Variants in XIRP1 observed in about 807,000 individuals in gnomAD.
XIRP1 encodes xin actin binding repeat containing 1.
For missense variants in XIRP1, 2,378 were observed against 2,345.4 expected (o/e 1.01, Z -0.29); for synonymous variants, 984 against 947.0 (o/e 1.04, Z -0.72).
rs1256030744 is a variant in XIRP1 at position 39,185,477 on chromosome 3, C to T, written c.3969G>A (p.Lys1323=). 11 of 1,571,202 alleles carry T rather than the reference C, an allele frequency of 7.0e-6. 2 individuals are homozygous for T. In the South Asian group the frequency reaches 1.3e-4, roughly 19 times the overall value. The change falls in exon 2 of 2, where the codon AAG becomes AAA. Residue 1323 remains lysine, a synonymous_variant. Coordinates refer to ENST00000340369, the MANE Select transcript of XIRP1 (RefSeq NM_194293.4). The stretch of plus-strand genomic sequence containing the variant: ...GTGCAGGTTTAGGGGGCAGCTGCGG[C>T]TTCTTCTTTGGGGGCATGGTGGGGT... ...KLDPTMPPKK[K]PQLPPKPAHL... is the part of the protein sequence containing the mutation.
rs745523661 is a variant in XIRP1 at position 39,184,127 on chromosome 3, C to A, written c.5319G>T (p.Glu1773Asp). Residue 1773 changes from glutamate (E) to aspartate (D), a missense_variant, in exon 2 of 2, where the codon GAG (glutamate) becomes GAT (aspartate). Coordinates refer to ENST00000340369, the MANE Select transcript of XIRP1 (RefSeq NM_194293.4). ...CTGTGTTCCCAAACTGGTCCACCTC[C>A]TCATACTGTTCAGTCACGGTTCTCA... ...GAMRTVTEQY[E>D]EVDQFGNTVL... The A allele has an allele frequency of 6.2e-7, 1 of 1,610,680 alleles. No homozygotes were observed. The highest frequency in any genetic ancestry group is 8.5e-7 in the Non-Finnish European group (1 of 1,177,772).
intron 1 of XIRP1, among the ~76,000 whole-genome samples, chr3:39,190,653 C>G (rs952190195): frequency 2.0e-5 from 3 of 152,150 alleles, no homozygotes; most frequent in Non-Finnish European, 4.4e-5. Context: ...ACACCCCCGC[C>G]CCTCAATGAC....
In XIRP1 at chr3:39,187,689, G is replaced by A. The variant is rs1200503559; in HGVS notation, c.1757C>T (p.Pro586Leu). Residue 586 changes from proline to leucine, a missense_variant, in exon 2 of 2, where the codon CCC (proline) becomes CTC (leucine). Physicochemically the swap from Pro to Leu is moderately conservative, Grantham distance 98. Coordinates refer to ENST00000340369, the MANE Select transcript of XIRP1 (RefSeq NM_194293.4). ...GATGGTCTGCACATCGCCCTTTGGGGGTGCCTCAGGCTGGGGGTCTCCCTG... is the reference window on the plus strand; with the variant it reads ...GATGGTCTGCACATCGCCCTTTGGGAGTGCCTCAGGCTGGGGGTCTCCCTG... Reference protein sequence around the residue: ...KSQGDPQPEAPPKGDVQTIRW... With the variant: ...KSQGDPQPEALPKGDVQTIRW... 3 of 1,613,876 alleles carry A rather than the reference G, an allele frequency of 1.9e-6. No homozygotes were observed. Among genetic ancestry groups the A allele is most frequent in the South Asian group, 1.1e-5 (1 of 91,092 alleles).
chr3:39,184,549 C>T lies in XIRP1; in HGVS notation c.4897G>A (p.Ala1633Thr). The T allele has an allele frequency of 6.2e-7, 1 of 1,613,876 alleles. No individual in the cohort carries two copies. Among genetic ancestry groups the T allele is most frequent in the Non-Finnish European group, 8.5e-7 (1 of 1,180,040 alleles). ...GCAGTTGAGGCTGTGTGACCTCTGGCCTCTGTGTGATTTCTGATCTTGACT... is the reference window on the plus strand; with the variant it reads ...GCAGTTGAGGCTGTGTGACCTCTGGTCTCTGTGTGATTTCTGATCTTGACT... ...SQVKIRNHTE[A>T]RGHTASTAPS... The change falls in exon 2 of 2, where the codon GCC (alanine) becomes ACC (threonine). Residue 1633 changes from alanine to threonine, a missense_variant. Physicochemically the swap from Ala to Thr is moderately conservative, Grantham distance 58. Transcript: ENST00000340369.
chr3:39,185,582 C>T lies in XIRP1; in HGVS notation c.3864G>A (p.Lys1288=), dbSNP rs768972840. The change falls in exon 2 of 2, where the codon AAG becomes AAA. Residue 1288 remains lysine, a synonymous_variant. Coordinates refer to ENST00000340369, the MANE Select transcript of XIRP1 (RefSeq NM_194293.4). ...TGCTGTGGGAGTGAAGAAGGGGGTC[C>T]TTCAGGGGCTCAGAGGCTTGCTGGA... The part of the protein sequence containing the change: ...DSIQQASEPL[K]DPLLHSHSSP... The T allele has an allele frequency of 1.3e-6, 2 of 1,591,414 alleles. No individual in the cohort carries two copies. The highest frequency in any genetic ancestry group is 3.5e-5 in the Admixed American group (2 of 57,346).
In XIRP1 at chr3:39,183,949, C is replaced by T. The variant is rs1479296052; in HGVS notation, c.5497G>A (p.Val1833Met). The T allele has an allele frequency of 1.2e-6, 2 of 1,611,686 alleles. No individual in the cohort carries two copies. Among genetic ancestry groups the T allele is most frequent in the East Asian group, 2.2e-5 (1 of 44,886 alleles). The change falls in exon 2 of 2, where the codon GTG becomes ATG. Residue 1833 changes from valine to methionine, a missense_variant. Transcript: ENST00000340369. ...GCTGGCTGGGAGTAGCTGCAGGACA[C>T]CTGCACCGTCTCAGCTTCTGTCAGG... Reference protein sequence around the residue: ...SDLTEAETVQVSCSYSQPAAQ With the variant: ...SDLTEAETVQMSCSYSQPAAQ
rs773515804 is a variant in XIRP1 at position 39,189,044 on chromosome 3, G to T, written c.402C>A (p.Ser134=). ...QATSRKFEEG[S]FANSTDQEPT... is the part of the protein sequence containing the mutation. ...GCTCCTGGTCTGTGCTGTTGGCAAA[G>T]GAGCCTTCCTCAAACTTGCGGGAGG... Residue 134 remains serine (S), a synonymous_variant, in exon 2 of 2, where the codon TCC becomes TCA. Coordinates refer to ENST00000340369, the MANE Select transcript of XIRP1 (RefSeq NM_194293.4). 4.3e-6 allele frequency: 7 copies of T among 1,614,004 alleles called. No homozygotes were observed. The highest frequency in any genetic ancestry group is 1.3e-5 in the African/African-American group (1 of 74,942).
Position 39,187,733 on chromosome 3 carries a change from C to G in XIRP1, c.1713G>C (p.Gln571His), listed in dbSNP as rs751101199. ...CTCCCTGACTCTTCCCTTCTTCTTT[C>G]TGTCGTTCCTGCTGCTCCCGTTGGT... Reference protein sequence around the residue: ...MIHQREQQERQKEEGKSQGDP... With the variant: ...MIHQREQQERHKEEGKSQGDP... Residue 571 changes from glutamine (Q) to histidine (H), a missense_variant, in exon 2 of 2, where the codon CAG becomes CAC. Transcript: ENST00000340369. 6.2e-7 allele frequency: 1 copy of G among 1,614,120 alleles called. No homozygotes were observed. Among genetic ancestry groups the G allele is most frequent in the Non-Finnish European group, 8.5e-7 (1 of 1,180,044 alleles).
chr3:39,187,013 C>A lies in XIRP1; in HGVS notation c.2433G>T (p.Gly811=), dbSNP rs748291097. 1.2e-6 allele frequency: 2 copies of A among 1,607,404 alleles called. No homozygotes were observed. Among genetic ancestry groups the A allele is most frequent in the South Asian group, 1.1e-5 (1 of 90,938 alleles). The part of the protein sequence containing the change: ...CLAKYVLSGT[G]QGHPYIRKEE... ...CCTTTCGTATATAAGGGTGCCCCTGCCCTGTGCCCGAGAGCACATACTTGG... is the reference window on the plus strand; with the variant it reads ...CCTTTCGTATATAAGGGTGCCCCTGACCTGTGCCCGAGAGCACATACTTGG... The change falls in exon 2 of 2, where the codon GGG becomes GGT. Residue 811 remains glycine (G), a synonymous_variant. Coordinates refer to ENST00000340369, the MANE Select transcript of XIRP1 (RefSeq NM_194293.4).
Position 39,184,499 on chromosome 3 carries a change from T to G in XIRP1, c.4947A>C (p.Thr1649=). 1.9e-6 allele frequency: 3 copies of G among 1,614,010 alleles called. No individual in the cohort carries two copies. Among genetic ancestry groups the G allele is most frequent in the South Asian group, 2.2e-5 (2 of 91,084 alleles). The change falls in exon 2 of 2, where the codon ACA becomes ACC. Residue 1649 remains threonine (T), a synonymous_variant. Coordinates refer to ENST00000340369, the MANE Select transcript of XIRP1 (RefSeq NM_194293.4). ...GAGGAGGGCACAAATACTCTCTTGA[T>G]GTCTCCTGCCTCCTGGTGGAAGGGG... is the stretch of plus-strand genomic sequence containing the variant. ...STAPSTRRQE[T]SREYLCPPRV...
chr3:39,189,176 G>T lies in XIRP1; in HGVS notation c.270C>A (p.Asp90Glu). 6.2e-7 allele frequency: 1 copy of T among 1,614,170 alleles called. No individual in the cohort carries two copies. Among genetic ancestry groups the T allele is most frequent in the South Asian group, 1.1e-5 (1 of 91,076 alleles). ...VLGSEEPTEGDVQCMRWIFEN... is the reference protein window; with the variant it reads ...VLGSEEPTEGEVQCMRWIFEN... ...CAAAGATCCAGCGCATGCACTGAAC[G>T]TCACCCTCGGTGGGTTCCTCAGAGC... The change falls in exon 2 of 2, where the codon GAC becomes GAA. Residue 90 changes from aspartate (D) to glutamate (E), a missense_variant. Coordinates refer to ENST00000340369, the MANE Select transcript of XIRP1 (RefSeq NM_194293.4).
At chr3:39,191,194 C>T (rs1335134379) in intron 1 of XIRP1, among the ~76,000 whole-genome samples, 1 of 152,204 alleles carries the variant, frequency 6.6e-6, no homozygotes, top group Non-Finnish European at 1.5e-5. Context: ...GCTCTGAAAC[C>T]TGCAGCCTGA....
At chr3:39,189,740 A>G (rs1241676653) in intron 1 of XIRP1, among the ~76,000 whole-genome samples, 5 of 152,154 alleles carry the variant, frequency 3.3e-5, no homozygotes, top group East Asian at 1.9e-4. Context: ...GGGAGTGACC[A>G]TGGTACCACT....
In XIRP1 at chr3:39,187,972, G is replaced by C; in HGVS notation, c.1474C>G (p.Arg492Gly). The change falls in exon 2 of 2, where the codon CGC (arginine) becomes GGC (glycine). Residue 492 changes from arginine to glycine, a missense_variant. Physicochemically the swap from Arg to Gly is moderately radical, Grantham distance 125. Coordinates refer to ENST00000340369, the MANE Select transcript of XIRP1 (RefSeq NM_194293.4). ...CTAACAGAGGTCAGGGCATGGAGGC[G>C]GCCCTTGCTGTCCTGCATGGCATAC... ...PVYAMQDSKG[R>G]LHALTSVSRE... is the part of the protein sequence containing the mutation. The C allele has an allele frequency of 6.2e-7, 1 of 1,614,168 alleles. No homozygotes were observed. The highest frequency in any genetic ancestry group is 8.5e-7 in the Non-Finnish European group (1 of 1,180,026).
chr3:39,184,120 C>A lies in XIRP1; in HGVS notation c.5326G>T (p.Asp1776Tyr), dbSNP rs1276586152. ...RTVTEQYEEV[D>Y]QFGNTVLMSS... ...ATGAGGACTGTGTTCCCAAACTGGT[C>A]CACCTCCTCATACTGTTCAGTCACG... is the stretch of plus-strand genomic sequence containing the variant. Residue 1776 changes from aspartate (D) to tyrosine (Y), a missense_variant, in exon 2 of 2, where the codon GAC becomes TAC. Asp to Tyr is a radical substitution (Grantham distance 160, BLOSUM62 -3). Coordinates refer to ENST00000340369, the MANE Select transcript of XIRP1 (RefSeq NM_194293.4). The A allele has an allele frequency of 1.2e-6, 2 of 1,605,890 alleles. No homozygotes were observed. The highest frequency in any genetic ancestry group is 1.7e-6 in the Non-Finnish European group (2 of 1,173,964).
chr3:39,188,687 G>C lies in XIRP1; in HGVS notation c.759C>G (p.Val253=). 6.2e-7 allele frequency: 1 copy of C among 1,613,538 alleles called. No homozygotes were observed. The highest frequency in any genetic ancestry group is 1.3e-5 in the African/African-American group (1 of 75,054). The part of the protein sequence containing the change: ...IQDAEGAIHE[V]KAACREEIQS... The stretch of plus-strand genomic sequence containing the variant: ...GGATCTCCTCCCGGCATGCGGCCTT[G>C]ACCTCATGGATGGCGCCCTCTGCAT... The change falls in exon 2 of 2, where the codon GTC becomes GTG. Residue 253 remains valine (V), a synonymous_variant. Transcript: ENST00000340369.
rs748164364 is a variant in XIRP1, at chr3:39,186,165, C to T, written c.3281G>A (p.Arg1094Gln). The change falls in exon 2 of 2, where the codon CGG becomes CAG. Residue 1094 changes from arginine to glutamine, a missense_variant. Arg to Gln is a conservative substitution (Grantham distance 43, BLOSUM62 1). Coordinates refer to ENST00000340369, the MANE Select transcript of XIRP1 (RefSeq NM_194293.4). The stretch of plus-strand genomic sequence containing the variant: ...GTTGCTTTGGGTAGCCCCAGCTTTC[C>T]GAAGACCGTCCTGGATGGGGTTGGA... ...ATSNPIQDGL[R>Q]KAGATQSNIR... 5.5e-5 allele frequency: 89 copies of T among 1,613,596 alleles called. No individual in the cohort carries two copies. The highest frequency in any genetic ancestry group is 1.2e-4 in the African/African-American group (9 of 74,922).
intron 1 of XIRP1, among the ~76,000 whole-genome samples, chr3:39,191,441 A>G (rs1559755383): frequency 6.7e-6 from 1 of 149,430 alleles, no homozygotes; most frequent in South Asian, 2.1e-4. Context: ...TGTCAGGCCT[A>G]AGGACCCTCA....
At position 39,185,511 on chromosome 3, in the gene XIRP1, G is replaced by A; in HGVS notation, c.3935C>T (p.Pro1312Leu). 2 of 1,559,722 alleles carry A rather than the reference G, an allele frequency of 1.3e-6. No homozygotes were observed. The highest frequency in any genetic ancestry group is 3.8e-5 in the Admixed American group (2 of 53,096). Residue 1312 changes from proline (P) to leucine (L), a missense_variant, in exon 2 of 2, where the codon CCA becomes CTA. Pro to Leu is a moderately conservative substitution (Grantham distance 98, BLOSUM62 -3). Coordinates refer to ENST00000340369, the MANE Select transcript of XIRP1 (RefSeq NM_194293.4). ...TGGGGGCATGGTGGGGTCCAGTTTT[G>A]GGGTCTTTGTCTGTGACCCTCCAGG... ...RTPGGSQTKT[P>L]KLDPTMPPKK...
Sources: gnomAD v4.1 joint callset for allele counts (sites outside exome capture counted in the v4.1 genomes callset) on GRCh38, gnomAD v4.1.1 for gene constraint, MANE v1.5 for transcripts, NCBI Gene and HGNC (gene_info 2026-07-23, HGNC 2026-07-21) for gene names.